The following ALDH1A2 variants were observed in gnomAD, a reference collection of about 807,000 sequenced individuals.
The protein encoded by ALDH1A2 is retinal dehydrogenase 2.
A neutral mutation model predicts 60.3 loss-of-function variants in ALDH1A2; 27 were observed. The ratio of observed to expected loss-of-function variants is 0.45; its 90% CI spans 0.33 to 0.62. ALDH1A2 has a LOEUF of 0.62. Among genes scored for constraint, ALDH1A2 ranks in the 20% least tolerant of loss-of-function variants. ALDH1A2 has a pLI of 0.02. For missense variants in ALDH1A2, 581 were observed against 643.8 expected, an observed-to-expected ratio of 0.90 and a Z score of 1.06; for synonymous variants, 289 against 232.4, an observed-to-expected ratio of 1.24 and a Z score of -2.21.
At chr15:58,031,364 T>C (rs2140540866) in intron 1 of ALDH1A2, among the ~76,000 whole-genome samples, 1 of 152,166 alleles carries the variant, frequency 6.6e-6, no homozygotes, top group Admixed American at 6.5e-5. Flanking sequence ...AAAAATTAAC[T>C]CAAGATGGAT....
chr15:57,983,810 C>T (rs1423933468), intron 7 of ALDH1A2, among the ~76,000 whole-genome samples: 2 of 152,126 alleles, frequency 1.3e-5, no homozygotes, highest in East Asian at 3.9e-4. Context: ...CTTTGCCTCT[C>T]CAAGATCTAT....
intron 7 of ALDH1A2, among the ~76,000 whole-genome samples, chr15:57,977,557 T>C (rs753075576): frequency 1.2e-4 from 18 of 152,334 alleles, no homozygotes; most frequent in Middle Eastern, 6.8e-3. Context: ...CTCTGTTCTG[T>C]TCCATTGGTC....
intron 1 of ALDH1A2, among the ~76,000 whole-genome samples, chr15:58,023,156 A>C (rs1218830919): frequency 6.6e-6 from 1 of 152,232 alleles, no homozygotes; most frequent in Non-Finnish European, 1.5e-5. Flanking sequence ...TTTTAAAGAA[A>C]CAAATAGAAA....
chr15:58,020,697 G>C (rs1004562108), intron 1 of ALDH1A2, among the ~76,000 whole-genome samples: 1 of 151,996 alleles, frequency 6.6e-6, no homozygotes, highest in African/African-American at 2.4e-5. Context: ...TTTATTCTTA[G>C]ATATTTTCTT....
At position 57,976,949 on chromosome 15, in the gene ALDH1A2, G is replaced by C. The variant is rs569894026; in HGVS notation, c.799-11122C>G. Among the ~76,000 whole-genome samples, 498 of 152,078 alleles carry C rather than the reference G, an allele frequency of 3.3e-3. 6 individuals carry two copies. Among genetic ancestry groups the C allele is most frequent in the African/African-American group, 0.011 (463 of 41,466 alleles). On this transcript the variant is annotated intron_variant, in intron 7 of 12. Coordinates refer to ENST00000249750, the MANE Select transcript of ALDH1A2 (RefSeq NM_003888.4). ...GTTGTTTCCTGACTTTTTAATGATC[G>C]CCATTCTAACTGGTGTGAGATGGTA...
intron 1 of ALDH1A2, among the ~76,000 whole-genome samples, chr15:58,063,718 G>A (rs1229144757): frequency 6.6e-6 from 1 of 152,162 alleles, no homozygotes; most frequent in African/African-American, 2.4e-5. Flanking sequence ...GTTTATGAGG[G>A]TTGTTTGTCA....
rs1256853933 is a variant in ALDH1A2, at chr15:58,002,839, A to G, written c.494-7700T>C. Among the ~76,000 whole-genome samples, 4 of 151,892 alleles carry G rather than the reference A, an allele frequency of 2.6e-5. No homozygotes were observed. In the East Asian group the frequency reaches 7.7e-4, roughly 29 times the overall value. The stretch of plus-strand genomic sequence containing the variant: ...GATGACCACAGTATTAAAAAATGAG[A>G]TGATTACATTGAACTATTCCATTAT... On this transcript the variant is annotated intron_variant, in intron 4 of 12. Transcript: ENST00000249750.
At chr15:57,996,204 G>T (rs2140495534) in intron 4 of ALDH1A2, among the ~76,000 whole-genome samples, 1 of 152,112 alleles carries the variant, frequency 6.6e-6, no homozygotes, top group South Asian at 2.1e-4. Context: ...GTTTATCACT[G>T]TCTCTCAACA....
chr15:58,002,456 T>C (rs888688934), intron 4 of ALDH1A2, among the ~76,000 whole-genome samples: 4 of 151,976 alleles, frequency 2.6e-5, no homozygotes, highest in Admixed American at 6.6e-5. Flanking sequence ...GATCTTACAG[T>C]TGCCTGAAAG....
chr15:57,978,759 G>A (rs774733879), intron 7 of ALDH1A2, among the ~76,000 whole-genome samples: 7 of 152,160 alleles, frequency 4.6e-5, no homozygotes, highest in Non-Finnish European at 7.4e-5. Context: ...CTAAGGGGCC[G>A]GGCACGGTGG....
chr15:57,955,389 A>G lies in ALDH1A2; in HGVS notation c.1485-120T>C, dbSNP rs1044106085. On this transcript the variant is annotated intron_variant, in intron 12 of 12. Transcript: ENST00000249750. ...GCGAACAGCAAGTCCTGGGATGTTC[A>G]TGTAAAAATTCCTCACGTATGCGCA... The G allele has an allele frequency of 2.1e-5, 22 of 1,042,500 alleles. No individual in the cohort carries two copies. In the African/African-American group the frequency reaches 3.5e-4, roughly 16 times the overall value. The allele number at this position is 1,042,500 out of a possible 1,614,324, so 64.6% of individuals were successfully genotyped here. A position where few individuals can be genotyped will look rare whatever the true frequency, so the allele number is the denominator to read the frequency against.
intron 7 of ALDH1A2, among the ~76,000 whole-genome samples, chr15:57,983,441 A>G (rs376149378): frequency 1.2e-4 from 19 of 152,328 alleles, no homozygotes; most frequent in African/African-American, 3.8e-4. Context: ...GATTAATGTT[A>G]AGAGAAAAGG....
chr15:57,985,991 G>T (rs1183799440), intron 7 of ALDH1A2, among the ~76,000 whole-genome samples: 1 of 152,094 alleles, frequency 6.6e-6, no homozygotes, highest in Non-Finnish European at 1.5e-5. Flanking sequence ...TTGACCAACT[G>T]AAGTAAATAA....
chr15:58,034,380 T>C (rs185997718), intron 1 of ALDH1A2, among the ~76,000 whole-genome samples: 95 of 151,768 alleles, frequency 6.3e-4, no homozygotes, highest in African/African-American at 2.1e-3. Context: ...TGGAGGGGGA[T>C]TGATTCTTAA....
intron 7 of ALDH1A2, among the ~76,000 whole-genome samples, chr15:57,981,934 T>C (rs556934386): frequency 1.8e-4 from 27 of 152,318 alleles, no homozygotes; most frequent in African/African-American, 6.0e-4. Context: ...AGTCCAAGGT[T>C]GAGAGACCCA....
intron 7 of ALDH1A2, among the ~76,000 whole-genome samples, chr15:57,980,992 A>AACTT (rs1249338423): frequency 6.6e-6 from 1 of 152,112 alleles, no homozygotes; most frequent in Non-Finnish European, 1.5e-5. Flanking sequence ...TCAGGGATTC[A>AACTT]ACTTCTTCCT....
chr15:58,039,791 C>G (rs1187048295), intron 1 of ALDH1A2, among the ~76,000 whole-genome samples: 1 of 151,598 alleles, frequency 6.6e-6, no homozygotes, highest in Non-Finnish European at 1.5e-5. Flanking sequence ...AAGAAGAGAA[C>G]AAAAAGGGAG....
chr15:58,035,321 A>T (rs1345239756), intron 1 of ALDH1A2, among the ~76,000 whole-genome samples: 1 of 151,478 alleles, frequency 6.6e-6, no homozygotes, highest in Non-Finnish European at 1.5e-5. Context: ...TGATATTAGT[A>T]ATTTGTGTCT....
rs1000606897 is a variant in ALDH1A2, at chr15:58,010,698, T to C, written c.444A>G (p.Arg148=). Residue 148 remains arginine, a synonymous_variant, in exon 4 of 13, where the codon CGA becomes CGG. Coordinates refer to ENST00000249750, the MANE Select transcript of ALDH1A2 (RefSeq NM_003888.4). Reference sequence around the variant, plus strand: ...TTTTATCAGCCCAGCCTGCGTAATATCGAAAGGTTTTGATGACGCCCTGCA... The same window carrying C: ...TTTTATCAGCCCAGCCTGCGTAATACCGAAAGGTTTTGATGACGCCCTGCA... ...VDLQGVIKTF[R]YYAGWADKIH... 3.7e-6 allele frequency: 6 copies of C among 1,613,466 alleles called. No homozygotes were observed. In the Admixed American group the frequency reaches 6.7e-5, roughly 18 times the overall value.
Sources: gnomAD v4.1 joint callset for allele counts (sites outside exome capture counted in the v4.1 genomes callset) on GRCh38, gnomAD v4.1.1 for gene constraint, MANE v1.5 for transcripts, NCBI Gene and HGNC (gene_info 2026-07-23, HGNC 2026-07-21) for gene names.